The following RAB27B variants were observed in gnomAD, a reference collection of about 807,000 sequenced individuals.
RAB27B encodes the protein RAB27B, member RAS oncogene family, also known as ras-related protein Rab-27B.
A neutral mutation model predicts 24.6 loss-of-function variants in RAB27B; 15 were observed. The observed-to-expected ratio is 0.61, with a 90% CI of 0.41 to 0.94. The LOEUF is 0.94. Ranked by LOEUF, RAB27B falls within the 40% of genes least tolerant of loss-of-function variation. RAB27B has a pLI of 0.00. For synonymous variants in RAB27B, 105 were observed against 92.5 expected (o/e 1.14, Z -0.78); for missense variants, 261 against 266.8 (o/e 0.98, Z 0.15).
intron 2 of RAB27B, among the ~76,000 whole-genome samples, chr18:54,802,593 C>T (rs570642936): frequency 1.3e-5 from 2 of 152,326 alleles, no homozygotes; most frequent in South Asian, 4.1e-4. Context: ...TGTGATTTTA[C>T]ACTTCCCTAT....
At chr18:54,866,604 C>A (rs1912238304) in intron 1 of RAB27B, among the ~76,000 whole-genome samples, 1 of 152,210 alleles carries the variant, frequency 6.6e-6, no homozygotes, top group Non-Finnish European at 1.5e-5. Context: ...GGCAGGGATC[C>A]TTCTTTTACC....
At chr18:54,792,519 TAAATG>T (rs761130103) in intron 2 of RAB27B, among the ~76,000 whole-genome samples, 1 of 152,154 alleles carries the variant, frequency 6.6e-6, no homozygotes, top group Non-Finnish European at 1.5e-5. Context: ...TTTAAGAACT[TAAATG>T]AACACCCACG....
In RAB27B at chr18:54,720,171, T is replaced by G. The variant is rs188045167; in HGVS notation, c.-20+2030T>G. ...GAATTACTAGCAAACAAATGGGACT[T>G]AAGCTAAGAAATAAAATGTAAAGGC... On this transcript the variant is annotated intron_variant, in intron 2 of 4. Transcript: ENST00000586570. 2.9e-4 allele frequency among the ~76,000 whole-genome samples: 44 copies of G among 152,190 alleles called. No homozygotes were observed. In the East Asian group the frequency reaches 7.9e-3, roughly 27 times the overall value.
intron 1 of RAB27B, among the ~76,000 whole-genome samples, chr18:54,869,625 G>T (rs999395056): frequency 6.6e-6 from 1 of 152,134 alleles, no homozygotes; most frequent in African/African-American, 2.4e-5. Context: ...GTGCTGAAGA[G>T]GACATTCTAA....
upstream of RAB27B, among the ~76,000 whole-genome samples, chr18:54,827,886 G>A (rs576421130): frequency 6.6e-6 from 1 of 152,272 alleles, no homozygotes; most frequent in Admixed American, 6.5e-5. Context: ...ATAGCACATA[G>A]TAGGTGCTTA....
chr18:54,782,683 C>G (rs1046084854), intron 2 of RAB27B, among the ~76,000 whole-genome samples: 4 of 152,152 alleles, frequency 2.6e-5, no homozygotes, highest in Non-Finnish European at 5.9e-5. Flanking sequence ...GACCATAAAA[C>G]ACAGACTGTT....
intron 2 of RAB27B, among the ~76,000 whole-genome samples, chr18:54,768,878 A>C (rs897365695): frequency 1.3e-5 from 2 of 151,752 alleles, no homozygotes; most frequent in African/African-American, 4.8e-5. Context: ...GATCCAATTA[A>C]CTCCACCTGG....
chr18:54,784,866 T>G (rs1163279867), intron 2 of RAB27B, among the ~76,000 whole-genome samples: 2 of 152,192 alleles, frequency 1.3e-5, no homozygotes, highest in African/African-American at 2.4e-5. Context: ...CAGCAGACAA[T>G]GTGCTACTCT....
rs189055055 is a variant in RAB27B, at chr18:54,776,771, A to G, written c.-20+58630A>G. 4.6e-5 allele frequency among the ~76,000 whole-genome samples: 7 copies of G among 152,248 alleles called. No individual in the cohort carries two copies. The East Asian group carries it at 1.4e-3, about 29-fold the overall frequency. On this transcript the variant is annotated intron_variant, in intron 2 of 4. Transcript: ENST00000586570. ...CAGTGAAGGTTTGATGAATGAATAAATCTCGGGCCTGGCATGGTCAGGCAT... is the reference window on the plus strand; with the variant it reads ...CAGTGAAGGTTTGATGAATGAATAAGTCTCGGGCCTGGCATGGTCAGGCAT...
chr18:54,834,718 A>G (rs997060704), intron 1 of RAB27B, among the ~76,000 whole-genome samples: 10 of 151,780 alleles, frequency 6.6e-5, no homozygotes, highest in Admixed American at 5.2e-4. Flanking sequence ...TAAACATGGA[A>G]GAAGAGATAG....
At chr18:54,848,594 G>C (rs1214058208) in intron 1 of RAB27B, among the ~76,000 whole-genome samples, 1 of 152,050 alleles carries the variant, frequency 6.6e-6, no homozygotes, top group Non-Finnish European at 1.5e-5. Context: ...ACAAAAATTT[G>C]ATTCAATTAA....
At chr18:54,751,200 G>C (rs574873052) in intron 2 of RAB27B, among the ~76,000 whole-genome samples, 9 of 152,208 alleles carry the variant, frequency 5.9e-5, no homozygotes, top group Admixed American at 2.0e-4. Flanking sequence ...ATATGAGAGG[G>C]GAGGGACAGG....
intron 2 of RAB27B, among the ~76,000 whole-genome samples, chr18:54,799,668 C>T (rs185375711): frequency 1.7e-3 from 209 of 122,348 alleles, no homozygotes; most frequent in African/African-American, 6.1e-3. Context: ...CTTGCTCTGC[C>T]ACCCAGGCTG....
rs183840835 is a variant in RAB27B at position 54,814,990 on chromosome 18, C to T, written c.-19-62577C>T. On this transcript the variant is annotated intron_variant, in intron 2 of 4. Transcript: ENST00000586570. ...TCACAACCACCATCTCAACCCCCAA[C>T]CCCACCCTAAGAAGTCTTTACAGGC... 9.0e-4 allele frequency among the ~76,000 whole-genome samples: 137 copies of T among 152,256 alleles called. 1 individual carries two copies. The highest frequency in any genetic ancestry group is 2.8e-3 in the African/African-American group (118 of 41,546).
In RAB27B at chr18:54,804,535, T is replaced by C. The variant is rs190274478; in HGVS notation, c.-19-73032T>C. 2.4e-3 allele frequency among the ~76,000 whole-genome samples: 373 copies of C among 152,320 alleles called. 2 individuals carry two copies. The highest frequency in any genetic ancestry group is 8.6e-3 in the African/African-American group (356 of 41,562). ...CCAATTAAACCTCTTTTTCTTGCCA[T>C]GCTCGGGTGTATCTTTATCAGCAGT... On this transcript the variant is annotated intron_variant, in intron 2 of 4. Transcript: ENST00000586570.
chr18:54,816,369 G>A (rs2008550), intron 2 of RAB27B, among the ~76,000 whole-genome samples: 145,566 of 152,290 alleles, frequency 0.96, 69,953 homozygotes, highest in East Asian at 1. Flanking sequence ...GAGATATTTC[G>A]CAAATTTCCA....
chr18:54,783,258 T>C (rs1268314673), intron 2 of RAB27B, among the ~76,000 whole-genome samples: 1 of 152,154 alleles, frequency 6.6e-6, no homozygotes, highest in Non-Finnish European at 1.5e-5. Flanking sequence ...TGAGCCATCA[T>C]GCTTGGCCTC....
intron 2 of RAB27B, among the ~76,000 whole-genome samples, chr18:54,803,639 C>T (rs117874455): frequency 0.024 from 3,654 of 152,200 alleles, 69 homozygotes; most frequent in Non-Finnish European, 0.037. Context: ...ATATGCAATA[C>T]ATTGTGAACA....
rs58878407 is a variant in RAB27B, at chr18:54,728,903, C to CAAAAAAAA, written c.-20+10775_-20+10782dup. 1.1e-3 allele frequency among the ~76,000 whole-genome samples: 77 copies of CAAAAAAAA among 68,270 alleles called. 1 individual carries two copies. Among genetic ancestry groups the CAAAAAAAA allele is most frequent in the Non-Finnish European group, 1.7e-3 (69 of 40,234 alleles). 44.8% of individuals were successfully genotyped at this position (68,270 alleles called of 152,430 possible). ...AAAAAAAAAAAAAAAAAAAAAAACCCAAAAAAAAAAAAAAAAAAAACCACC... is the reference window on the plus strand; with the variant it reads ...AAAAAAAAAAAAAAAAAAAAAAACCCAAAAAAAAAAAAAAAAAAAAAAAAAAAACCACC... On this transcript the variant is annotated intron_variant, in intron 2 of 4. Coordinates refer to the RAB27B transcript ENST00000586570.
Sources: allele counts gnomAD v4.1 joint callset (sites outside exome capture counted in the v4.1 genomes callset), GRCh38; gene constraint gnomAD v4.1.1; transcripts MANE v1.5; gene names NCBI Gene and HGNC (gene_info 2026-07-23, HGNC 2026-07-21).